TEX11: variants seen among roughly 807,000 people sequenced by gnomAD.
The protein encoded by TEX11 is testis-expressed protein 11.
In TEX11, 7 loss-of-function variants were observed where a neutral mutation model predicts 84.4. The observed-to-expected ratio is 0.08, with a 90% CI of 0.05 to 0.16. TEX11 has a LOEUF of 0.16. TEX11 is among the 10% of genes least tolerant of loss of function. The probability of loss-of-function intolerance (pLI) is 1.00; values close to 1 mark genes in which losing one functional copy is unlikely to be tolerated. For synonymous variants in TEX11, 264 were observed against 222.8 expected (o/e 1.18, Z -1.64); for missense variants, 551 against 660.5 (o/e 0.83, Z 1.82).
intron 13 of TEX11, among the ~76,000 whole-genome samples, chrX:70,706,500 A>C (rs1192931717): frequency 2.7e-5 from 3 of 111,403 alleles, no homozygotes; most frequent in Non-Finnish European, 5.7e-5. Context: ...CTGGCAAGTC[A>C]GTCAAAACTG....
chrX:70,802,991 A>T (rs1412478730), intron 9 of TEX11, among the ~76,000 whole-genome samples: 1 of 111,650 alleles, frequency 9.0e-6, no homozygotes, highest in Admixed American at 9.6e-5. Flanking sequence ...GAGGCCACTA[A>T]CAAGTTGTCT....
chrX:70,748,268 G>A (rs760831708), intron 9 of TEX11, among the ~76,000 whole-genome samples: 2 of 111,461 alleles, frequency 1.8e-5, no homozygotes, highest in Admixed American at 1.9e-4. Flanking sequence ...CATTAAAAAA[G>A]CTACATCCAG....
chrX:70,596,885 C>T (rs748196055), intron 24 of TEX11, among the ~76,000 whole-genome samples: 2 of 110,552 alleles, frequency 1.8e-5, no homozygotes, highest in Admixed American at 1.9e-4. Flanking sequence ...TGACCAAGAA[C>T]AAAAAGAGAG....
chrX:70,629,738 GA>G lies in TEX11; in HGVS notation c.1484-4del. 4 of 1,118,191 alleles carry G rather than the reference GA, an allele frequency of 3.6e-6. No individual in the cohort carries two copies. The highest frequency in any genetic ancestry group is 4.8e-6 in the Non-Finnish European group (4 of 830,651). The allele number at this position is 1,118,191 out of a possible 1,213,427, so 92.2% of individuals were successfully genotyped here. On this transcript the variant is annotated splice_region_variant and splice_polypyrimidine_tract_variant and intron_variant, in intron 17 of 29. Transcript: ENST00000374333. Reference sequence around the variant, plus strand: ...TAAAGTAATTATTGCCTGCAAAGCTGAAAAACAAGAAAAAAATTCAAAAATG... The same window carrying G: ...TAAAGTAATTATTGCCTGCAAAGCTGAAAACAAGAAAAAAATTCAAAAATG...
rs1227288607 is a variant in TEX11 at position 70,907,852 on chromosome X, T to C, written c.-21-42A>G. ...TATTTTAATACTCTGTTTTATCCTC[T>C]AGTTTCTCAACAAATTTCTTTCCAG... is the stretch of plus-strand genomic sequence containing the variant. On this transcript the variant is annotated intron_variant, in intron 1 of 29. Transcript: ENST00000374333. 1.2e-5 allele frequency: 10 copies of C among 838,359 alleles called. No individual in the cohort carries two copies. In the East Asian group the frequency reaches 1.9e-4, roughly 16 times the overall value. The allele number at this position is 838,359 out of a possible 1,213,427, so 69.1% of individuals were successfully genotyped here.
intron 24 of TEX11, among the ~76,000 whole-genome samples, chrX:70,593,301 T>C (rs774525332): frequency 9.0e-6 from 1 of 111,604 alleles, no homozygotes; most frequent in Non-Finnish European, 1.9e-5. Context: ...TTCCAAAGAG[T>C]GACATCAGAG....
intron 7 of TEX11, among the ~76,000 whole-genome samples, chrX:70,837,063 T>C (rs755351975): frequency 4.2e-4 from 46 of 110,150 alleles, no homozygotes; most frequent in Non-Finnish European, 2.3e-4. Context: ...TAAAATGGCA[T>C]GGCCACTCTA....
At chrX:70,781,020 C>G (rs1228953309) in intron 9 of TEX11, among the ~76,000 whole-genome samples, 1 of 112,168 alleles carries the variant, frequency 8.9e-6, no homozygotes, top group Non-Finnish European at 1.9e-5. Context: ...GGTCCCTGAC[C>G]CCCGTGTAGC....
rs1173545917 is a variant in TEX11, at chrX:70,621,390, G to A, written c.1751+2560C>T. On this transcript the variant is annotated intron_variant, in intron 20 of 29. Coordinates refer to ENST00000374333, the MANE Select transcript of TEX11 (RefSeq NM_031276.3). ...ACAAAAATTAGCCGGGTGTGGTGGC[G>A]GATGCCTGTAGTCCCAGCTACTCAG... Among the ~76,000 whole-genome samples the A allele has an allele frequency of 7.9e-5, 8 of 101,660 alleles. No individual in the cohort carries two copies. The East Asian group carries it at 1.6e-3, about 20-fold the overall frequency. 88.3% of individuals were successfully genotyped at this position (101,660 alleles called of 115,157 possible).
At position 70,825,886 on chromosome X, in the gene TEX11, G is replaced by C. The variant is rs2091342798; in HGVS notation, c.606+7627C>G. Among the ~76,000 whole-genome samples the C allele has an allele frequency of 2.7e-5, 3 of 111,479 alleles. No individual in the cohort carries two copies. In the Admixed American group the frequency reaches 2.9e-4, roughly 11 times the overall value. The stretch of plus-strand genomic sequence containing the variant: ...CAGCTACTTTGGGAGACTGAGGTGA[G>C]AGAATGGCTTGAACCCGGGAGACAG... On this transcript the variant is annotated intron_variant, in intron 8 of 29. Coordinates refer to ENST00000374333, the MANE Select transcript of TEX11 (RefSeq NM_031276.3).
At chrX:70,676,629 A>T (rs753957710) in intron 15 of TEX11, among the ~76,000 whole-genome samples, 1 of 112,019 alleles carries the variant, frequency 8.9e-6, no homozygotes, top group Non-Finnish European at 1.9e-5. Flanking sequence ...CTATCTGTGC[A>T]TTTAGAGTTT....
intron 17 of TEX11, among the ~76,000 whole-genome samples, chrX:70,639,891 C>T (rs1603179859): frequency 8.9e-6 from 1 of 111,983 alleles, no homozygotes. Context: ...TGCAGCCCCT[C>T]ACCAGCAACA....
At chrX:70,628,619 C>T (rs969993807) in intron 18 of TEX11, among the ~76,000 whole-genome samples, 3 of 112,001 alleles carry the variant, frequency 2.7e-5, no homozygotes, top group East Asian at 2.8e-4. Flanking sequence ...CTTGTGAGGT[C>T]CTGAAGGAAC....
At chrX:70,731,187 C>T (rs2090646768) in intron 11 of TEX11, among the ~76,000 whole-genome samples, 1 of 111,518 alleles carries the variant, frequency 9.0e-6, no homozygotes, top group South Asian at 3.8e-4. Flanking sequence ...ACTAAATGCC[C>T]ACAAGAGAAA....
chrX:70,692,760 T>C (rs962770709), intron 13 of TEX11, among the ~76,000 whole-genome samples: 1 of 111,029 alleles, frequency 9.0e-6, no homozygotes, highest in African/African-American at 3.3e-5. Context: ...TTAGTGAATA[T>C]GAATAATGCT....
chrX:70,865,223 C>G (rs1481578218), intron 4 of TEX11, among the ~76,000 whole-genome samples: 1 of 110,348 alleles, frequency 9.1e-6, no homozygotes, highest in African/African-American at 3.3e-5. Context: ...AAATGGAAAA[C>G]AAAAAAAGCA....
At chrX:70,866,763 T>A (rs1225069617) in intron 4 of TEX11, among the ~76,000 whole-genome samples, 1 of 112,052 alleles carries the variant, frequency 8.9e-6, no homozygotes, top group Non-Finnish European at 1.9e-5. Context: ...GTAAACGTAA[T>A]CCGTCGCATA....
Position 70,678,880 on chromosome X carries a change from G to C in TEX11, c.1166C>G (p.Thr389Arg). The stretch of plus-strand genomic sequence containing the variant: ...TGATTCTGCTGTCAGTTGTCTTCCT[G>C]TTTGGTGAGCTGAAAAAAAAAAAAA... ...KIEEIFLAHQ[T>R]GRQLTAESMN... is the part of the protein sequence containing the mutation. Residue 389 changes from threonine to arginine, a missense_variant, in exon 15 of 30, where the codon ACA (threonine) becomes AGA (arginine). Transcript: ENST00000374333. 1 of 1,136,093 alleles carries C rather than the reference G, an allele frequency of 8.8e-7. No homozygotes were observed. Among genetic ancestry groups the C allele is most frequent in the Non-Finnish European group, 1.2e-6 (1 of 860,908 alleles). 93.6% of individuals were successfully genotyped at this position (1,136,093 alleles called of 1,213,427 possible).
intron 13 of TEX11, among the ~76,000 whole-genome samples, chrX:70,721,048 T>C (rs1007694334): frequency 1.5e-4 from 17 of 111,266 alleles, no homozygotes; most frequent in African/African-American, 4.9e-4. Context: ...ACTTTTTCTA[T>C]CTAACCCTCA....
Sources: gnomAD v4.1 joint callset for allele counts (sites outside exome capture counted in the v4.1 genomes callset) on GRCh38, gnomAD v4.1.1 for gene constraint, MANE v1.5 for transcripts, NCBI Gene and HGNC (gene_info 2026-07-23, HGNC 2026-07-21) for gene names.